Variants in LRP1B observed in about 807,000 individuals in gnomAD.
LRP1B encodes the protein LDL receptor related protein 1B.
Under a neutral mutation model 556.6 loss-of-function variants are expected in LRP1B, and 217 were observed. The observed-to-expected ratio is 0.39, with a 90% CI of 0.35 to 0.44. The LOEUF is 0.44. LRP1B is among the 20% of genes least tolerant of loss of function. The pLI is 1.00. For missense variants in LRP1B, 5,053 were observed against 5,620.8 expected (o/e 0.90, Z 3.23); for synonymous variants, 2,047 against 1,865.8 (o/e 1.10, Z -2.50).
At chr2:141,836,325 GATTA>G (rs925898881) in intron 1 of LRP1B, among the ~76,000 whole-genome samples, 9 of 151,894 alleles carry the variant, frequency 5.9e-5, no homozygotes, top group African/African-American at 1.7e-4. Context: ...TACTTACATA[GATTA>G]ATTGTTATTT....
chr2:141,615,173 G>A (rs1390588029), intron 2 of LRP1B, among the ~76,000 whole-genome samples: 2 of 152,178 alleles, frequency 1.3e-5, no homozygotes, highest in Non-Finnish European at 2.9e-5. Flanking sequence ...GGAGAGGAAG[G>A]TAAATCGGTT....
intron 86 of LRP1B, among the ~76,000 whole-genome samples, chr2:140,248,173 G>A (rs13389200): frequency 0.038 from 5,753 of 151,680 alleles, 374 homozygotes; most frequent in African/African-American, 0.13. Context: ...AAGCTTCTAC[G>A]ATGCTATACG....
chr2:141,213,298 C>T (rs1682648449), intron 6 of LRP1B, among the ~76,000 whole-genome samples: 1 of 152,030 alleles, frequency 6.6e-6, no homozygotes, highest in Admixed American at 6.6e-5. Context: ...GCGATACATA[C>T]ATTTAATAAA....
At chr2:140,995,324 C>T (rs188416529) in intron 15 of LRP1B, among the ~76,000 whole-genome samples, 3 of 151,880 alleles carry the variant, frequency 2.0e-5, no homozygotes, top group East Asian at 1.9e-4. Flanking sequence ...TGTGGGTATG[C>T]CCCAAACTGC....
rs867309943 is a variant in LRP1B at position 140,456,493 on chromosome 2, C to T, written c.9925G>A (p.Asp3309Asn). The change falls in exon 62 of 91, where the codon GAT becomes AAT. Residue 3309 changes from aspartate to asparagine, a missense_variant. By Grantham distance (23) the Asp-to-Asn change is conservative. This residue lies in a region of LRP1B where 262 missense variants were observed against 395.1 expected (regional missense o/e 0.66). Transcript: ENST00000389484. Reference sequence around the variant, plus strand: ...CAGTTGGATAAGCAAGTCCTATTATCAGCTGCCAGATAGAAGTTAGTGGGA... The same window carrying T: ...CAGTTGGATAAGCAAGTCCTATTATTAGCTGCCAGATAGAAGTTAGTGGGA... ...ACPTNFYLAA[D>N]NRTCLSNCTA... 1 of 1,613,388 alleles carries T rather than the reference C, an allele frequency of 6.2e-7. No homozygotes were observed. The highest frequency in any genetic ancestry group is 1.1e-5 in the South Asian group (1 of 91,000).
Position 142,024,393 on chromosome 2 carries a change from C to T in LRP1B, c.82+106255G>A, listed in dbSNP as rs4375804. ...GACTTGTTAAAATACAGTTCTGGCC[C>T]TTGCCTTGGAGTTTCTCATTCAGTA... On this transcript the variant is annotated intron_variant, in intron 1 of 90. Coordinates refer to ENST00000389484, the MANE Select transcript of LRP1B (RefSeq NM_018557.3). 2.6e-5 allele frequency among the ~76,000 whole-genome samples: 4 copies of T among 152,254 alleles called. No individual in the cohort carries two copies. In the East Asian group the frequency reaches 7.7e-4, roughly 29 times the overall value.
intron 3 of LRP1B, among the ~76,000 whole-genome samples, chr2:141,269,666 C>T (rs939577068): frequency 6.6e-6 from 1 of 151,926 alleles, no homozygotes; most frequent in Non-Finnish European, 1.5e-5. Flanking sequence ...AAAAATAAAC[C>T]CCACTGTGGA....
intron 20 of LRP1B, among the ~76,000 whole-genome samples, chr2:140,937,112 A>G (rs1002508311): frequency 2.0e-5 from 3 of 152,172 alleles, no homozygotes; most frequent in African/African-American, 7.2e-5. Context: ...ATACACAAAA[A>G]CAAATGAGAA....
At chr2:141,265,077 G>A (rs752059508) in intron 3 of LRP1B, among the ~76,000 whole-genome samples, 4 of 152,096 alleles carry the variant, frequency 2.6e-5, no homozygotes, top group Non-Finnish European at 4.4e-5. Flanking sequence ...GAGATGAGAG[G>A]GGCCACAAAC....
rs190146665 is a variant in LRP1B at position 140,259,353 on chromosome 2, G to A, written c.13247+10889C>T. 1.1e-4 allele frequency among the ~76,000 whole-genome samples: 16 copies of A among 152,084 alleles called. No individual in the cohort carries two copies. In the East Asian group the frequency reaches 2.1e-3, roughly 20 times the overall value. On this transcript the variant is annotated intron_variant, in intron 86 of 90. Transcript: ENST00000389484. ...TCAAGTTTTTCTAGTAAGTTAAGAC[G>A]GTGTATTAAGCCTGTCTAGTTCTTG...
intron 2 of LRP1B, among the ~76,000 whole-genome samples, chr2:141,488,822 A>C (rs564492317): frequency 6.6e-6 from 1 of 152,264 alleles, no homozygotes; most frequent in Admixed American, 6.5e-5. Context: ...ATGATTTCTA[A>C]GAATTTGTAA....
At chr2:141,985,541 A>G (rs1308763384) in intron 1 of LRP1B, among the ~76,000 whole-genome samples, 1 of 151,986 alleles carries the variant, frequency 6.6e-6, no homozygotes, top group Admixed American at 6.6e-5. Context: ...TTCCATATTC[A>G]CATCAGTTAG....
chr2:140,476,201 C>T (rs545503413), intron 59 of LRP1B, among the ~76,000 whole-genome samples: 6 of 152,082 alleles, frequency 3.9e-5, no homozygotes, highest in African/African-American at 1.4e-4. Flanking sequence ...AGAAAAATTA[C>T]TTTATGTTTT....
At position 140,562,763 on chromosome 2, in the gene LRP1B, G is replaced by A. The variant is rs1680977797; in HGVS notation, c.7195-20792C>T. 2.0e-5 allele frequency among the ~76,000 whole-genome samples: 3 copies of A among 151,970 alleles called. No homozygotes were observed. The South Asian group carries it at 6.2e-4, about 32-fold the overall frequency. On this transcript the variant is annotated intron_variant, in intron 43 of 90. Transcript: ENST00000389484. ...AGCCTCCTGAGTAGCTGGATTTACA[G>A]GCATGCACCACCACACCTATTTTTG...
At chr2:141,223,329 G>T (rs1051207306) in intron 6 of LRP1B, among the ~76,000 whole-genome samples, 3 of 152,080 alleles carry the variant, frequency 2.0e-5, no homozygotes, top group Admixed American at 6.6e-5. Context: ...CAGCTAACAA[G>T]GGAAGTGTAG....
At chr2:141,006,743 T>C (rs540079278) in intron 14 of LRP1B, among the ~76,000 whole-genome samples, 1 of 152,154 alleles carries the variant, frequency 6.6e-6, no homozygotes, top group African/African-American at 2.4e-5. Context: ...ATATATCATA[T>C]ATTTCTTCTA....
intron 23 of LRP1B, among the ~76,000 whole-genome samples, chr2:140,896,797 C>CA (rs1181430403): frequency 7.4e-6 from 1 of 135,052 alleles, no homozygotes; most frequent in African/African-American, 2.7e-5. Flanking sequence ...CTGCTATCAT[C>CA]ATTTTTTTTT....
chr2:140,269,381 T>G (rs1558759960), intron 86 of LRP1B: 1 of 470,104 alleles, frequency 2.1e-6, no homozygotes, highest in East Asian at 7.0e-5. Context: ...CCACAGAGCA[T>G]CTGCAGAATT....
At chr2:141,936,317 T>C (rs1700634963) in intron 1 of LRP1B, among the ~76,000 whole-genome samples, 1 of 152,226 alleles carries the variant, frequency 6.6e-6, no homozygotes, top group Non-Finnish European at 1.5e-5. Context: ...GATATGTCTA[T>C]GTAGAAAATC....
Sources: gnomAD v4.1 joint callset for allele counts (sites outside exome capture counted in the v4.1 genomes callset) on GRCh38, gnomAD v4.1.1 for gene constraint, gnomAD v4.1.1 regional missense constraint, MANE v1.5 for transcripts, NCBI Gene and HGNC (gene_info 2026-07-23, HGNC 2026-07-21) for gene names.